ANKFN1: variants seen among roughly 807,000 people sequenced by gnomAD.
The protein encoded by ANKFN1 is ankyrin repeat and fibronectin type-III domain-containing protein 1.
Under a neutral mutation model 108.7 loss-of-function variants are expected in ANKFN1, and 74 were observed. The ratio of observed to expected loss-of-function variants is 0.68; its 90% confidence interval spans 0.56 to 0.83. ANKFN1 has a LOEUF of 0.83. Ranked by LOEUF, ANKFN1 falls within the 40% of genes least tolerant of loss-of-function variation. The pLI is 0.00. For synonymous variants in ANKFN1, 547 were observed against 516.2 expected (o/e 1.06, Z -0.81); for missense variants, 1,505 against 1,382.3 (o/e 1.09, Z -1.41).
chr17:56,353,930 T>C lies in ANKFN1; in HGVS notation c.485T>C (p.Leu162Pro). The C allele has an allele frequency of 1.2e-6, 2 of 1,614,018 alleles. No homozygotes were observed. Among genetic ancestry groups the C allele is most frequent in the Non-Finnish European group, 1.7e-6 (2 of 1,179,976 alleles). Residue 162 changes from leucine (L) to proline (P), a missense_variant, in exon 6 of 21, where the codon CTT (leucine) becomes CCT (proline). By Grantham distance (98) the Leu-to-Pro change is moderately conservative. Coordinates refer to ENST00000682825, the MANE Select transcript of ANKFN1 (RefSeq NM_001370326.1). ...CTGTATCAGTACACACCAGAAGAAC[T>C]TGACCTCAACACACCTAACAGCGAG... Reference protein sequence around the residue: ...ILLYQYTPEELDLNTPNSEGL... With the variant: ...ILLYQYTPEEPDLNTPNSEGL...
chr17:56,267,028 C>G (rs1317278616), intron 3 of ANKFN1, among the ~76,000 whole-genome samples: 1 of 152,150 alleles, frequency 6.6e-6, no homozygotes, highest in Admixed American at 6.6e-5. Flanking sequence ...CCAGACTCTT[C>G]TTTTCTCCAC....
intron 3 of ANKFN1, among the ~76,000 whole-genome samples, chr17:56,274,160 C>G (rs551019293): frequency 6.6e-6 from 1 of 152,276 alleles, no homozygotes; most frequent in South Asian, 2.1e-4. Context: ...CTAAAGAAAT[C>G]TGGGACTCTT....
At chr17:56,087,381 G>A (rs1050137006) in intron 4 of ANKFN1, among the ~76,000 whole-genome samples, 2 of 151,356 alleles carry the variant, frequency 1.3e-5, no homozygotes, top group African/African-American at 4.9e-5. Flanking sequence ...TGGAAAGCAC[G>A]TGTGGAACCC....
intron 3 of ANKFN1, among the ~76,000 whole-genome samples, chr17:56,266,942 C>A (rs765093634): frequency 6.6e-6 from 1 of 152,126 alleles, no homozygotes; most frequent in Non-Finnish European, 1.5e-5. Flanking sequence ...CTCTTTTCTG[C>A]CTTGGCTACC....
rs150051777 is a variant in ANKFN1, at chr17:56,121,082, G to A, written c.288+74757G>A. 2.4e-3 allele frequency among the ~76,000 whole-genome samples: 362 copies of A among 152,070 alleles called. 1 individual carries two copies. Among genetic ancestry groups the A allele is most frequent in the African/African-American group, 8.1e-3 (336 of 41,460 alleles). On this transcript the variant is annotated intron_variant, in intron 4 of 12. Coordinates refer to the ANKFN1 transcript ENST00000635860. ...TGCACTTTGATCATATCACCACCCA[G>A]ATAAAAATCCCTGTGACTCCATATA...
intron 3 of ANKFN1, among the ~76,000 whole-genome samples, chr17:56,303,144 CT>C (rs1288316423): frequency 1.3e-5 from 2 of 152,150 alleles, no homozygotes; most frequent in African/African-American, 4.8e-5. Flanking sequence ...GTAATTTTAT[CT>C]TTCTTTTGGA....
chr17:56,466,290 T>C, intron 14 of ANKFN1, 66 bp from the exon 15 acceptor site: 2 of 1,398,450 alleles, frequency 1.4e-6, no homozygotes, highest in Non-Finnish European at 2.0e-6. Flanking sequence ...CGGTGTCTTT[T>C]GTTGCCGTTG....
chr17:56,489,497 A>T (rs2050963205), intron 18 of ANKFN1, among the ~76,000 whole-genome samples: 1 of 151,050 alleles, frequency 6.6e-6, no homozygotes, highest in African/African-American at 2.4e-5. Flanking sequence ...CTGAAGCGTT[A>T]TAGTTGAAAC....
intron 4 of ANKFN1, among the ~76,000 whole-genome samples, chr17:56,070,969 C>G (rs1717713388): frequency 6.6e-6 from 1 of 150,500 alleles, no homozygotes; most frequent in Admixed American, 6.6e-5. Flanking sequence ...CTCTCGACCT[C>G]ATGATCTGCC....
At chr17:56,486,233 G>A (rs1796914712) in intron 18 of ANKFN1, among the ~76,000 whole-genome samples, 2 of 152,076 alleles carry the variant, frequency 1.3e-5, no homozygotes. Flanking sequence ...CCATATCATT[G>A]GTAATCCAAC....
chr17:56,382,383 T>A (rs1437033124), intron 8 of ANKFN1, among the ~76,000 whole-genome samples: 3 of 152,090 alleles, frequency 2.0e-5, no homozygotes, highest in Non-Finnish European at 4.4e-5. Context: ...TCATGCCAAA[T>A]TGTAAAGACC....
intron 1 of ANKFN1, among the ~76,000 whole-genome samples, chr17:56,207,782 T>C (rs1914654980): frequency 6.6e-6 from 1 of 152,128 alleles, no homozygotes; most frequent in South Asian, 2.1e-4. Context: ...TTCATCCCCA[T>C]TCATTTGTTT....
chr17:56,201,681 A>AG (rs1167536062), intron 1 of ANKFN1, among the ~76,000 whole-genome samples: 1 of 152,138 alleles, frequency 6.6e-6, no homozygotes, highest in East Asian at 1.9e-4. Flanking sequence ...GAAAAAAAAA[A>AG]AAATTAGCTA....
At chr17:56,490,241 C>A (rs930581634) in intron 18 of ANKFN1, among the ~76,000 whole-genome samples, 2 of 152,122 alleles carry the variant, frequency 1.3e-5, no homozygotes, top group African/African-American at 4.8e-5. Flanking sequence ...GAAACAAATG[C>A]TCTAGGAGCA....
intron 3 of ANKFN1, among the ~76,000 whole-genome samples, chr17:56,236,035 T>TTTTTC (rs752878229): frequency 2.2e-4 from 34 of 152,052 alleles, no homozygotes; most frequent in Admixed American, 7.2e-4. Flanking sequence ...CTCTGATTTC[T>TTTTTC]TTTTCTTTTC....
chr17:56,393,719 G>A (rs1273138688), intron 8 of ANKFN1, among the ~76,000 whole-genome samples: 2 of 152,222 alleles, frequency 1.3e-5, no homozygotes, highest in Non-Finnish European at 2.9e-5. Context: ...CCTGTAGGGA[G>A]CATATAGTTA....
chr17:56,300,325 T>C (rs191453943), intron 3 of ANKFN1, among the ~76,000 whole-genome samples: 13 of 152,314 alleles, frequency 8.5e-5, no homozygotes, highest in Non-Finnish European at 1.5e-4. Context: ...AACCAGCTGC[T>C]TTTTGGGTTT....
chr17:56,401,146 G>A (rs2047749084), intron 8 of ANKFN1, among the ~76,000 whole-genome samples: 1 of 151,974 alleles, frequency 6.6e-6, no homozygotes, highest in South Asian at 2.1e-4. Flanking sequence ...ATTTTGATGT[G>A]GATTGCACTG....
chr17:56,385,950 A>G (rs1311071837), intron 8 of ANKFN1, among the ~76,000 whole-genome samples: 5 of 152,230 alleles, frequency 3.3e-5, no homozygotes, highest in Non-Finnish European at 7.4e-5. Flanking sequence ...ATGCCATTTG[A>G]CCCAGCCATC....
Sources: gnomAD v4.1 joint callset for allele counts (sites outside exome capture counted in the v4.1 genomes callset) on GRCh38, gnomAD v4.1.1 for gene constraint, MANE v1.5 for transcripts, NCBI Gene and HGNC (gene_info 2026-07-23, HGNC 2026-07-21) for gene names.